Variants in INTS7 observed in about 807,000 individuals in gnomAD.
The protein encoded by INTS7 is integrator complex subunit 7.
In INTS7, 46 loss-of-function variants were observed where a neutral mutation model predicts 109.2. The observed-to-expected ratio is 0.42, with a 90% CI of 0.33 to 0.54. The LOEUF (loss-of-function observed/expected upper bound fraction) is 0.54, where lower values mean the gene tolerates loss of function less well. Among genes scored for constraint, INTS7 ranks in the 20% least tolerant of loss-of-function variants. The pLI is 0.07. For missense variants in INTS7, 929 were observed against 1,132.4 expected, an observed-to-expected ratio of 0.82 and a Z score of 2.58; for synonymous variants, 412 against 402.9, an observed-to-expected ratio of 1.02 and a Z score of -0.27.
intron 13 of INTS7, 113 bp from the exon 14 acceptor site, chr1:211,968,820 C>T: frequency 1.5e-6 from 1 of 669,862 alleles, no homozygotes; most frequent in Non-Finnish European, 2.4e-6. Flanking sequence ...TCTAAAAACA[C>T]TGACGGATAA....
chr1:211,999,697 C>T (rs1309875551), intron 7 of INTS7, among the ~76,000 whole-genome samples: 2 of 152,046 alleles, frequency 1.3e-5, no homozygotes, highest in Non-Finnish European at 2.9e-5. Context: ...TACCAAGAAG[C>T]AAATTAATGG....
chr1:212,009,997 A>G (rs574335070), intron 5 of INTS7, among the ~76,000 whole-genome samples: 1 of 152,370 alleles, frequency 6.6e-6, no homozygotes, highest in South Asian at 2.1e-4. Flanking sequence ...GCAAAATATA[A>G]CTACACTAAG....
intron 13 of INTS7, among the ~76,000 whole-genome samples, chr1:211,972,954 A>G (rs886523208): frequency 6.6e-6 from 1 of 152,150 alleles, no homozygotes; most frequent in African/African-American, 2.4e-5. Flanking sequence ...CCATGCCTGG[A>G]CTACTACTGC....
chr1:211,966,337 T>C (rs1242218405), intron 16 of INTS7, 93 bp downstream of exon 16: 7 of 670,446 alleles, frequency 1.0e-5, no homozygotes, highest in Non-Finnish European at 1.8e-5. Context: ...TTTACTTCCA[T>C]AGTACTAGCT....
In INTS7 at chr1:212,011,428, A is replaced by G. The variant is rs760321319; in HGVS notation, c.510-7T>C. ...GATTCCTACAGCAAAATCCCTTTGG[A>G]AAAAGAGAACAGAGAACAGAAAAAA... On this transcript the variant is annotated splice_region_variant and splice_polypyrimidine_tract_variant and intron_variant, in intron 4 of 19. Coordinates refer to ENST00000366994, the MANE Select transcript of INTS7 (RefSeq NM_015434.4). The G allele has an allele frequency of 8.9e-6, 14 of 1,568,652 alleles. No individual in the cohort carries two copies. Among genetic ancestry groups the G allele is most frequent in the South Asian group, 3.4e-5 (3 of 87,552 alleles).
chr1:212,006,461 T>G (rs1342885660), intron 7 of INTS7, among the ~76,000 whole-genome samples, 178 bp downstream of exon 7: 1 of 152,206 alleles, frequency 6.6e-6, no homozygotes, highest in African/African-American at 2.4e-5. Flanking sequence ...TATAGAAGTT[T>G]TATGTATTTA....
At chr1:212,032,670 A>G (rs1303890534) in intron 1 of INTS7, among the ~76,000 whole-genome samples, 1 of 152,038 alleles carries the variant, frequency 6.6e-6, no homozygotes, top group Non-Finnish European at 1.5e-5. Context: ...TAGTAGAGAC[A>G]GGGTTTCACC....
intron 4 of INTS7, among the ~76,000 whole-genome samples, chr1:212,012,432 G>A (rs962090691): frequency 6.6e-6 from 1 of 152,104 alleles, no homozygotes; most frequent in East Asian, 1.9e-4. Context: ...TTATTTCCGG[G>A]AGAAGATATG....
chr1:211,956,815 G>T (rs1035494535), intron 16 of INTS7, among the ~76,000 whole-genome samples: 2 of 151,954 alleles, frequency 1.3e-5, no homozygotes, highest in Non-Finnish European at 2.9e-5. Context: ...ACTACAATTT[G>T]TTTATCCATT....
At chr1:211,958,760 T>C (rs1003603024) in intron 16 of INTS7, among the ~76,000 whole-genome samples, 1 of 152,216 alleles carries the variant, frequency 6.6e-6, no homozygotes, top group Non-Finnish European at 1.5e-5. Flanking sequence ...TTGTTGATTA[T>C]ATTCTCTTTG....
At chr1:211,979,415 C>T (rs900181095) in intron 10 of INTS7, among the ~76,000 whole-genome samples, 1 of 152,108 alleles carries the variant, frequency 6.6e-6, no homozygotes, top group Admixed American at 6.5e-5. Flanking sequence ...TTCTCTCTCT[C>T]GGCCTTAAGT....
intron 7 of INTS7, among the ~76,000 whole-genome samples, chr1:211,994,335 T>G (rs1461589662): frequency 6.6e-6 from 1 of 152,042 alleles, no homozygotes; most frequent in Non-Finnish European, 1.5e-5. Flanking sequence ...CAAAAATATA[T>G]CTAGGCTATA....
intron 9 of INTS7, among the ~76,000 whole-genome samples, 196 bp from the exon 10 acceptor site, chr1:211,981,386 CTT>C (rs1664659556): frequency 6.6e-6 from 1 of 152,170 alleles, no homozygotes; most frequent in Admixed American, 6.5e-5. Flanking sequence ...TATCTTCAGA[CTT>C]TATTTCTACC....
chr1:212,010,742 AG>A (rs1423207819), intron 5 of INTS7, among the ~76,000 whole-genome samples: 1 of 152,200 alleles, frequency 6.6e-6, no homozygotes, highest in East Asian at 1.9e-4. Context: ...TATTCAGCAC[AG>A]TTACATGTTG....
At chr1:212,022,258 G>T (rs1460912450) in intron 1 of INTS7, among the ~76,000 whole-genome samples, 1 of 152,106 alleles carries the variant, frequency 6.6e-6, no homozygotes, top group Non-Finnish European at 1.5e-5. Context: ...GTTAGGCAAA[G>T]AATTCTTAGA....
intron 7 of INTS7, among the ~76,000 whole-genome samples, chr1:211,989,817 G>A (rs1237998576): frequency 1.1e-4 from 14 of 129,956 alleles, no homozygotes; most frequent in African/African-American, 3.0e-4. Flanking sequence ...GCAAGACTCC[G>A]TTTCAAAAAA....
At chr1:211,973,042 C>T (rs1664250918) in intron 13 of INTS7, among the ~76,000 whole-genome samples, 1 of 152,194 alleles carries the variant, frequency 6.6e-6, no homozygotes, top group Admixed American at 6.5e-5. Flanking sequence ...CCTCCTCTTC[C>T]CAGGCTCAGG....
intron 16 of INTS7, among the ~76,000 whole-genome samples, chr1:211,955,183 G>T (rs1041246341): frequency 1.3e-5 from 2 of 151,954 alleles, no homozygotes; most frequent in Non-Finnish European, 2.9e-5. Flanking sequence ...CTCATGATTT[G>T]GCTCTCTGTT....
At chr1:211,958,427 TATC>T (rs1298430235) in intron 16 of INTS7, among the ~76,000 whole-genome samples, 3 of 150,722 alleles carry the variant, frequency 2.0e-5, no homozygotes, top group South Asian at 2.1e-4. Context: ...TTCTAAATAA[TATC>T]TTCTTTCTCT....
Sources: allele counts gnomAD v4.1 joint callset (sites outside exome capture counted in the v4.1 genomes callset), GRCh38; gene constraint gnomAD v4.1.1; transcripts MANE v1.5; gene names NCBI Gene and HGNC (gene_info 2026-07-23, HGNC 2026-07-21).